TMEM117: variants seen among roughly 807,000 people sequenced by gnomAD.
TMEM117 encodes the protein transmembrane protein 117.
A neutral mutation model predicts 52.4 loss-of-function variants in TMEM117; 27 were observed. The ratio of observed to expected loss-of-function variants is 0.51; its 90% CI spans 0.38 to 0.71. The LOEUF (loss-of-function observed/expected upper bound fraction) is 0.71, where lower values mean the gene tolerates loss of function less well. Among genes scored for constraint, TMEM117 ranks in the 30% least tolerant of loss-of-function variants. The pLI is 0.00. For missense variants in TMEM117, 556 were observed against 630.5 expected (o/e 0.88, Z 1.26); for synonymous variants, 215 against 206.3 (o/e 1.04, Z -0.36).
At chr12:44,300,191 T>A (rs1354387491) in intron 6 of TMEM117, among the ~76,000 whole-genome samples, 1 of 152,224 alleles carries the variant, frequency 6.6e-6, no homozygotes, top group African/African-American at 2.4e-5. Context: ...TTTCTGGTTA[T>A]GGAAATTGTT....
intron 4 of TMEM117, among the ~76,000 whole-genome samples, chr12:44,176,071 ATTTG>A (rs1565860944): frequency 6.6e-6 from 1 of 152,188 alleles, no homozygotes; most frequent in African/African-American, 2.4e-5. Flanking sequence ...AAGGTGTATT[ATTTG>A]TTTGTCTGAT....
At chr12:44,152,764 A>G (rs1948769129) in intron 4 of TMEM117, among the ~76,000 whole-genome samples, 1 of 139,922 alleles carries the variant, frequency 7.1e-6, no homozygotes, top group Non-Finnish European at 1.5e-5. Context: ...TAATGTATAT[A>G]ATATAAATAT....
chr12:44,142,887 T>C (rs1050168546), intron 3 of TMEM117, among the ~76,000 whole-genome samples: 5 of 152,168 alleles, frequency 3.3e-5, no homozygotes, highest in African/African-American at 1.2e-4. Context: ...AGCATGGTCT[T>C]AATACTAATA....
chr12:44,165,935 A>G (rs75934966), intron 4 of TMEM117, among the ~76,000 whole-genome samples: 1,849 of 152,348 alleles, frequency 0.012, 42 homozygotes, highest in African/African-American at 0.041. Context: ...TCTTCTCATC[A>G]GCACATGAAA....
intron 3 of TMEM117, among the ~76,000 whole-genome samples, chr12:44,141,155 C>T (rs996330070): frequency 1.3e-5 from 2 of 152,134 alleles, no homozygotes; most frequent in South Asian, 2.1e-4. Flanking sequence ...AAATTGTATA[C>T]ACATGTACAG....
intron 3 of TMEM117, among the ~76,000 whole-genome samples, chr12:44,001,658 C>T (rs1439014400): frequency 3.3e-5 from 5 of 151,492 alleles, no homozygotes; most frequent in Non-Finnish European, 5.9e-5. Context: ...AATTCACAGC[C>T]TGGTTCAGCA....
intron 3 of TMEM117, among the ~76,000 whole-genome samples, chr12:44,114,610 C>T (rs1211664847): frequency 2.0e-5 from 3 of 152,142 alleles, no homozygotes; most frequent in Non-Finnish European, 4.4e-5. Context: ...GTAATTTATT[C>T]TCTCTGTGCT....
At chr12:43,997,616 T>C (rs1201908604) in intron 3 of TMEM117, among the ~76,000 whole-genome samples, 1 of 152,228 alleles carries the variant, frequency 6.6e-6, no homozygotes, top group East Asian at 1.9e-4. Flanking sequence ...ATATAGAATC[T>C]GTAATTTCTT....
chr12:43,830,452 C>CA, the TMEM117 span, among the ~76,000 whole-genome samples: 93 of 150,558 alleles, frequency 6.2e-4, no homozygotes, highest in Non-Finnish European at 8.1e-4. Flanking sequence ...ACTAAAAATA[C>CA]AAAAAAAATT....
intron 5 of TMEM117, among the ~76,000 whole-genome samples, chr12:44,290,288 A>G (rs778765902): frequency 2.0e-5 from 3 of 152,166 alleles, no homozygotes; most frequent in Non-Finnish European, 4.4e-5. Flanking sequence ...TATACAAAAA[A>G]TCATTGCCAA....
intron 2 of TMEM117, among the ~76,000 whole-genome samples, chr12:43,910,447 C>T (rs1350272421): frequency 8.7e-6 from 1 of 115,512 alleles, no homozygotes; most frequent in Non-Finnish European, 1.8e-5. Context: ...GACAGGGATG[C>T]CCTCTCTCAC....
intron 3 of TMEM117, among the ~76,000 whole-genome samples, chr12:43,974,647 GTC>G (rs565162570): frequency 1.1e-4 from 16 of 152,018 alleles, no homozygotes; most frequent in Non-Finnish European, 1.9e-4. Context: ...TTTATGATCT[GTC>G]TCTCTATCTC....
chr12:44,330,990 A>G (rs747973536), intron 6 of TMEM117, among the ~76,000 whole-genome samples: 3 of 152,040 alleles, frequency 2.0e-5, no homozygotes, highest in Non-Finnish European at 4.4e-5. Flanking sequence ...GTTTAAAAAC[A>G]TTGTTTAGCA....
chr12:43,864,270 G>C (rs1943543932), intron 2 of TMEM117, among the ~76,000 whole-genome samples: 1 of 152,232 alleles, frequency 6.6e-6, no homozygotes, highest in Non-Finnish European at 1.5e-5. Context: ...CCGCCCAAGG[G>C]CTGAGGAGTG....
Position 43,844,655 on chromosome 12 carries a change from G to A in TMEM117, c.4G>A (p.Gly2Ser). 1.2e-6 allele frequency: 2 copies of A among 1,613,242 alleles called. No individual in the cohort carries two copies. The highest frequency in any genetic ancestry group is 1.7e-6 in the Non-Finnish European group (2 of 1,179,704). M[G>S]KDFRYYFQHP... ...TACGAACTGGGAGTTCTGAAGAATGGGTAAAGACTTTCGTTACTATTTCCA... is the reference window on the plus strand; with the variant it reads ...TACGAACTGGGAGTTCTGAAGAATGAGTAAAGACTTTCGTTACTATTTCCA... Residue 2 changes from glycine (G) to serine (S), a missense_variant, in exon 2 of 8, where the codon GGT (glycine) becomes AGT (serine). By Grantham distance (56) the Gly-to-Ser change is moderately conservative. Transcript: ENST00000266534.
chr12:44,184,763 T>C (rs1949253452), intron 4 of TMEM117, among the ~76,000 whole-genome samples: 1 of 152,192 alleles, frequency 6.6e-6, no homozygotes, highest in African/African-American at 2.4e-5. Flanking sequence ...TGGTTTTCTG[T>C]TCCTGGTTTT....
chr12:43,875,779 A>T (rs1019915454), intron 2 of TMEM117, among the ~76,000 whole-genome samples: 9 of 152,198 alleles, frequency 5.9e-5, no homozygotes, highest in Non-Finnish European at 8.8e-5. Context: ...CTAACAGTGA[A>T]TAAGGGAAAG....
intron 3 of TMEM117, among the ~76,000 whole-genome samples, chr12:44,001,114 G>A (rs1431738967): frequency 6.6e-6 from 1 of 152,204 alleles, no homozygotes; most frequent in African/African-American, 2.4e-5. Flanking sequence ...TAGGAAGACA[G>A]GCATTGGAAG....
chr12:43,863,161 G>T (rs937703252), intron 2 of TMEM117, among the ~76,000 whole-genome samples: 5 of 152,034 alleles, frequency 3.3e-5, no homozygotes, highest in Non-Finnish European at 7.4e-5. Flanking sequence ...CACAAGAATT[G>T]CTTGAACCCG....
Sources: allele counts gnomAD v4.1 joint callset (sites outside exome capture counted in the v4.1 genomes callset), GRCh38; gene constraint gnomAD v4.1.1; transcripts MANE v1.5; gene names NCBI Gene and HGNC (gene_info 2026-07-23, HGNC 2026-07-21).